DNAJC10: variants seen among roughly 807,000 people sequenced by gnomAD.
DNAJC10 encodes DnaJ heat shock protein family (Hsp40) member C10, also known as endoplasmic reticulum disulfide reductase DNAJC10.
In DNAJC10, 101 loss-of-function variants were observed where a neutral mutation model predicts 115.0. The ratio of observed to expected loss-of-function variants is 0.88; its 90% CI spans 0.75 to 1.04. The LOEUF (loss-of-function observed/expected upper bound fraction) is 1.04. Among genes scored for constraint, DNAJC10 ranks in the 50% least tolerant of loss-of-function variants. The pLI is 0.00. For synonymous variants in DNAJC10, 307 were observed against 301.5 expected (o/e 1.02, Z -0.19); for missense variants, 981 against 928.8 (o/e 1.06, Z -0.73).
rs142787688 is a variant in DNAJC10 at position 182,733,391 on chromosome 2, T to G, written c.849+849T>G. 2.6e-5 allele frequency among the ~76,000 whole-genome samples: 4 copies of G among 152,036 alleles called. No homozygotes were observed. In the East Asian group the frequency reaches 7.7e-4, roughly 29 times the overall value. Reference sequence around the variant, plus strand: ...TCACCCTATGCCTAGGCCTTTAGTTTTTCAGCACTACACATTAAAATCACC... The same window carrying G: ...TCACCCTATGCCTAGGCCTTTAGTTGTTCAGCACTACACATTAAAATCACC... On this transcript the variant is annotated intron_variant, in intron 10 of 23. Transcript: ENST00000264065.
At chr2:182,739,234 T>C (rs1052332227) in intron 11 of DNAJC10, among the ~76,000 whole-genome samples, 3 of 145,204 alleles carry the variant, frequency 2.1e-5, no homozygotes, top group South Asian at 2.1e-4. Context: ...TCATATATAT[T>C]TATATATATA....
Position 182,777,603 on chromosome 2 carries a change from C to T in DNAJC10, c.*471C>T, listed in dbSNP as rs1223795691. On this transcript the variant is annotated 3_prime_UTR_variant, in exon 24 of 24. Coordinates refer to ENST00000264065, the MANE Select transcript of DNAJC10 (RefSeq NM_018981.4). ...AGTTGTATAAAGTCCACTTTCCCTT[C>T]ACGTTTTTTGGCTGACCTGAAAAGA... 1 of 152,232 alleles carries T rather than the reference C, an allele frequency of 6.6e-6. No individual in the cohort carries two copies. The highest frequency in any genetic ancestry group is 1.5e-5 in the Non-Finnish European group (1 of 68,104). The allele number at this position is 152,232 out of a possible 1,614,324, so 9.4% of individuals were successfully genotyped here.
At chr2:182,743,780 CT>C in intron 14 of DNAJC10, 68 bp downstream of exon 14, 6 of 1,095,670 alleles carry the variant, frequency 5.5e-6, no homozygotes, top group Non-Finnish European at 8.1e-6. Context: ...TCTAATTGTG[CT>C]TTTTAAACTT....
intron 9 of DNAJC10, among the ~76,000 whole-genome samples, chr2:182,732,247 T>C (rs1693465543): frequency 1.3e-5 from 2 of 152,014 alleles, no homozygotes; most frequent in African/African-American, 4.8e-5. Flanking sequence ...AAATTACTTT[T>C]TCTCTGTAGC....
At chr2:182,748,796 G>C (rs566013348) in intron 14 of DNAJC10, among the ~76,000 whole-genome samples, 1 of 152,042 alleles carries the variant, frequency 6.6e-6, no homozygotes, top group Non-Finnish European at 1.5e-5. Flanking sequence ...GGCATTTAGT[G>C]CTATAAATTT....
chr2:182,719,918 A>G (rs1397692923), intron 3 of DNAJC10, 89 bp from the exon 4 acceptor site: 1 of 704,432 alleles, frequency 1.4e-6, no homozygotes, highest in African/African-American at 1.8e-5. Context: ...CCCAGAAGTT[A>G]CTAGATTAAT....
intron 13 of DNAJC10, among the ~76,000 whole-genome samples, chr2:182,742,071 T>G (rs1693751287): frequency 6.6e-6 from 1 of 152,232 alleles, no homozygotes; most frequent in Admixed American, 6.5e-5. Context: ...GGCTACATAG[T>G]GGCTTACTAT....
intron 18 of DNAJC10, among the ~76,000 whole-genome samples, chr2:182,757,252 T>C (rs886983195): frequency 2.6e-5 from 4 of 152,200 alleles, no homozygotes; most frequent in Non-Finnish European, 4.4e-5. Context: ...TAAAGTGATT[T>C]CTAGTATCTT....
At position 182,785,254 on chromosome 2, in the gene DNAJC10, A is replaced by C. The variant is rs569144575; in HGVS notation, c.*8122A>C. ...GCCTGTGTAACAGTATAAATGGATC[A>C]CTTCTAATAAATAAAACATAAAATT... is the stretch of plus-strand genomic sequence containing the variant. On this transcript the variant is annotated 3_prime_UTR_variant, in exon 24 of 24. Transcript: ENST00000264065. 3.9e-5 allele frequency: 6 copies of C among 152,256 alleles called. No homozygotes were observed. The East Asian group carries it at 1.2e-3, about 29-fold the overall frequency. 9.4% of individuals were successfully genotyped at this position (152,256 alleles called of 1,614,324 possible). A position where few individuals can be genotyped will look rare whatever the true frequency, so the allele number is the denominator to read the frequency against.
intron 21 of DNAJC10, among the ~76,000 whole-genome samples, chr2:182,759,845 A>G (rs1230007728): frequency 1.3e-5 from 2 of 151,992 alleles, no homozygotes; most frequent in Non-Finnish European, 2.9e-5. Context: ...GGCCCTCTGT[A>G]TGCAGGGTTT....
At position 182,762,744 on chromosome 2, in the gene DNAJC10, G is replaced by A. The variant is rs749426176; in HGVS notation, c.2208G>A (p.Gln736=). The A allele has an allele frequency of 1.2e-6, 2 of 1,612,672 alleles. No homozygotes were observed. The highest frequency in any genetic ancestry group is 2.2e-5 in the South Asian group (2 of 91,058). Residue 736 remains glutamine, a synonymous_variant, in exon 22 of 24, where the codon CAG becomes CAA. Transcript: ENST00000264065. ...VDCQAYAQTC[Q]KAGIRAYPTV... The stretch of plus-strand genomic sequence containing the variant: ...GTCAGGCTTATGCTCAGACATGCCA[G>A]AAAGCTGGGATCAGGGCCTATCCAA...
At position 182,736,355 on chromosome 2, in the gene DNAJC10, C is replaced by T. The variant is rs750534160; in HGVS notation, c.956C>T (p.Thr319Ile). The T allele has an allele frequency of 1.3e-6, 2 of 1,580,242 alleles. No individual in the cohort carries two copies. The highest frequency in any genetic ancestry group is 1.7e-6 in the Non-Finnish European group (2 of 1,167,438). ...ACTGCTTATTTTCCTCCTGGAGCCACTTTAAATAACAAAGAGAAAAACAGT... is the reference window on the plus strand; with the variant it reads ...ACTGCTTATTTTCCTCCTGGAGCCATTTTAAATAACAAAGAGAAAAACAGT... ...STTAYFPPGA[T>I]LNNKEKNSIL... is the part of the protein sequence containing the mutation. Residue 319 changes from threonine to isoleucine, a missense_variant, in exon 11 of 24, where the codon ACT becomes ATT. Physicochemically the swap from Thr to Ile is moderately conservative, Grantham distance 89. Transcript: ENST00000264065.
At chr2:182,751,866 T>C in intron 15 of DNAJC10, 81 bp downstream of exon 15, 7 of 1,533,372 alleles carry the variant, frequency 4.6e-6, no homozygotes, top group Non-Finnish European at 5.3e-6. Flanking sequence ...TAGATAACTT[T>C]GAATCATTAG....
chr2:182,740,282 T>C lies in DNAJC10; in HGVS notation c.988-17T>C. On this transcript the variant is annotated splice_polypyrimidine_tract_variant and intron_variant, in intron 11 of 23. Coordinates refer to ENST00000264065, the MANE Select transcript of DNAJC10 (RefSeq NM_018981.4). The stretch of plus-strand genomic sequence containing the variant: ...ATATTTATTCAAAAAGATTACAATG[T>C]GATTTTCTTTTTCTAGTTTCTCAAC... 1 of 1,368,414 alleles carries C rather than the reference T, an allele frequency of 7.3e-7. No individual in the cohort carries two copies. The highest frequency in any genetic ancestry group is 9.9e-7 in the Non-Finnish European group (1 of 1,012,504). The allele number at this position is 1,368,414 out of a possible 1,614,324, so 84.8% of individuals were successfully genotyped here.
chr2:182,762,910 A>C (rs1177189787), intron 22 of DNAJC10, 109 bp downstream of exon 22: 3 of 1,190,962 alleles, frequency 2.5e-6, no homozygotes, highest in Non-Finnish European at 3.5e-6. Context: ...TCATTTTTTT[A>C]TATTATTACA....
At chr2:182,738,051 T>C (rs1027098804) in intron 11 of DNAJC10, among the ~76,000 whole-genome samples, 5 of 152,342 alleles carry the variant, frequency 3.3e-5, no homozygotes, top group Admixed American at 6.5e-5. Flanking sequence ...ATATGCATAC[T>C]TTATCATTTT....
chr2:182,718,864 G>A (rs1189175785), intron 3 of DNAJC10, among the ~76,000 whole-genome samples: 1 of 151,952 alleles, frequency 6.6e-6, no homozygotes, highest in Non-Finnish European at 1.5e-5. Context: ...TAATTTTTAT[G>A]GTGTTTTTGT....
rs562185700 is a variant in DNAJC10 at position 182,768,166 on chromosome 2, A to G, written c.2265+5365A>G. ...TTTCAGTGAAGGTTTTTGATTTGTCAAGAATCTGTCTTAAGAACAATCTAG... is the reference window on the plus strand; with the variant it reads ...TTTCAGTGAAGGTTTTTGATTTGTCGAGAATCTGTCTTAAGAACAATCTAG... On this transcript the variant is annotated intron_variant, in intron 22 of 23. Coordinates refer to ENST00000264065, the MANE Select transcript of DNAJC10 (RefSeq NM_018981.4). 2.1e-3 allele frequency among the ~76,000 whole-genome samples: 317 copies of G among 152,226 alleles called. 3 individuals are homozygous for G. Among genetic ancestry groups the G allele is most frequent in the Admixed American group, 6.5e-3 (99 of 15,278 alleles).
At position 182,788,632 on chromosome 2, in the gene DNAJC10, G is replaced by A. The variant is rs1670651270; in HGVS notation, c.*11500G>A. ...TGTAGCAATACGTCCGTCTGTAAGT[G>A]ATGGTCATATTTGTGTTCTTTTGTC... On this transcript the variant is annotated 3_prime_UTR_variant, in exon 24 of 24. Transcript: ENST00000264065. The A allele has an allele frequency of 3.2e-6, 1 of 313,874 alleles. No individual in the cohort carries two copies. The highest frequency in any genetic ancestry group is 2.2e-5 in the African/African-American group (1 of 45,484). The allele number at this position is 313,874 out of a possible 1,614,324, so 19.4% of individuals were successfully genotyped here.
Sources: gnomAD v4.1 joint callset for allele counts (sites outside exome capture counted in the v4.1 genomes callset) on GRCh38, gnomAD v4.1.1 for gene constraint, MANE v1.5 for transcripts, NCBI Gene and HGNC (gene_info 2026-07-23, HGNC 2026-07-21) for gene names.